The following RIMS2 variants were observed in gnomAD, a reference collection of about 807,000 sequenced individuals.
RIMS2 encodes regulating synaptic membrane exocytosis protein 2.
RIMS2 carries 59 observed loss-of-function variants against 174.4 expected under a neutral mutation model. The ratio of observed to expected loss-of-function variants is 0.34; its 90% CI spans 0.27 to 0.42. The LOEUF is 0.42. Among genes scored for constraint, RIMS2 ranks in the 10% least tolerant of loss-of-function variants. The pLI is 1.00. For missense variants in RIMS2, 1,620 were observed against 1,666.3 expected, an observed-to-expected ratio of 0.97 and a Z score of 0.48; for synonymous variants, 606 against 572.5, an observed-to-expected ratio of 1.06 and a Z score of -0.84.
intron 1 of RIMS2, among the ~76,000 whole-genome samples, chr8:103,553,289 C>A (rs1284666295): frequency 6.6e-6 from 1 of 152,086 alleles, no homozygotes; most frequent in Non-Finnish European, 1.5e-5. Flanking sequence ...AATTTTTGTC[C>A]TTTGTAGGGA....
At chr8:103,579,681 C>A (rs115654645) in intron 1 of RIMS2, among the ~76,000 whole-genome samples, 141 of 152,132 alleles carry the variant, frequency 9.3e-4, no homozygotes, top group African/African-American at 2.9e-3. Flanking sequence ...TTCATGGTAA[C>A]CACAATGCCA....
intron 14 of RIMS2, among the ~76,000 whole-genome samples, chr8:103,950,192 A>G (rs1188797476): frequency 6.6e-6 from 1 of 152,144 alleles, no homozygotes; most frequent in Non-Finnish European, 1.5e-5. Context: ...TCTGCCTAAC[A>G]TGTAAGGGTG....
At chr8:103,919,328 A>C (rs1033777168) in intron 9 of RIMS2, among the ~76,000 whole-genome samples, 3 of 152,214 alleles carry the variant, frequency 2.0e-5, no homozygotes, top group African/African-American at 4.8e-5. Flanking sequence ...AAATTCAACG[A>C]GGCCAGTGTA....
At chr8:103,928,160 T>G (rs1374232225) in intron 11 of RIMS2, among the ~76,000 whole-genome samples, 1 of 151,608 alleles carries the variant, frequency 6.6e-6, no homozygotes, top group Non-Finnish European at 1.5e-5. Context: ...TAATGTAGAT[T>G]TAATGTAGAT....
At chr8:103,758,508 T>TA (rs1381375372) in intron 2 of RIMS2, among the ~76,000 whole-genome samples, 1 of 152,188 alleles carries the variant, frequency 6.6e-6, no homozygotes, top group African/African-American at 2.4e-5. Flanking sequence ...AGCTTTTTTT[T>TA]ATTAATGAAG....
intron 19 of RIMS2, among the ~76,000 whole-genome samples, chr8:104,019,844 C>G (rs2096039180): frequency 6.6e-6 from 1 of 152,148 alleles, no homozygotes; most frequent in African/African-American, 2.4e-5. Context: ...TCCATACAAA[C>G]ACTGCAGCCT....
At chr8:103,626,603 A>G in intron 1 of RIMS2, among the ~76,000 whole-genome samples, 1 of 152,240 alleles carries the variant, frequency 6.6e-6, no homozygotes, top group East Asian at 1.9e-4. Context: ...ATCTAATACC[A>G]TAAAAAATAT....
At chr8:103,880,598 G>T in intron 3 of RIMS2, 4 of 460,762 alleles carry the variant, frequency 8.7e-6, no homozygotes, top group Non-Finnish European at 1.6e-5. Flanking sequence ...AGGGCTAGAA[G>T]GATTAAATGA....
intron 16 of RIMS2, among the ~76,000 whole-genome samples, chr8:103,986,438 G>A (rs570893861): frequency 6.6e-6 from 1 of 151,996 alleles, no homozygotes; most frequent in Admixed American, 6.5e-5. Context: ...AAAGATTGGT[G>A]ACATCAATAC....
chr8:104,220,684 A>G (rs1026495523), intron 19 of RIMS2, among the ~76,000 whole-genome samples: 25 of 152,204 alleles, frequency 1.6e-4, no homozygotes, highest in African/African-American at 5.8e-4. Flanking sequence ...TACAGCCTCA[A>G]CCTTGCAGGC....
chr8:103,670,453 G>A (rs2096730700), intron 1 of RIMS2, among the ~76,000 whole-genome samples: 2 of 152,186 alleles, frequency 1.3e-5, no homozygotes, highest in South Asian at 4.1e-4. Context: ...TAGAAAATGG[G>A]TTTTTCTTTT....
At chr8:104,194,461 A>G (rs1280374195) in intron 19 of RIMS2, among the ~76,000 whole-genome samples, 1 of 152,226 alleles carries the variant, frequency 6.6e-6, no homozygotes, top group Non-Finnish European at 1.5e-5. Flanking sequence ...TTTTTGAGCT[A>G]TACTACATAT....
At chr8:104,086,669 T>C (rs2097542442) in intron 19 of RIMS2, among the ~76,000 whole-genome samples, 1 of 152,150 alleles carries the variant, frequency 6.6e-6, no homozygotes, top group African/African-American at 2.4e-5. Flanking sequence ...TACATGCTAA[T>C]GGCTACCCTT....
chr8:103,709,228 A>C (rs2097271444), intron 2 of RIMS2, among the ~76,000 whole-genome samples: 1 of 152,128 alleles, frequency 6.6e-6, no homozygotes, highest in African/African-American at 2.4e-5. Context: ...GTGTAACTTT[A>C]AAAACATGTA....
intron 1 of RIMS2, among the ~76,000 whole-genome samples, chr8:103,570,502 T>C (rs28502010): frequency 0.18 from 27,663 of 152,002 alleles, 2,767 homozygotes; most frequent in African/African-American, 0.26. Flanking sequence ...TCTAAACTTT[T>C]CCAGGAAAAA....
chr8:103,905,765 A>G (rs1264914581), intron 4 of RIMS2, among the ~76,000 whole-genome samples: 3 of 92,046 alleles, frequency 3.3e-5, no homozygotes, highest in African/African-American at 1.3e-4. Flanking sequence ...GGCTCCGTTC[A>G]TTTTCTTTTC....
intron 1 of RIMS2, among the ~76,000 whole-genome samples, chr8:103,558,165 A>G (rs2090861567): frequency 6.6e-6 from 1 of 152,212 alleles, no homozygotes; most frequent in African/African-American, 2.4e-5. Flanking sequence ...AAAAAAACCC[A>G]GCAATTCAAA....
intron 1 of RIMS2, among the ~76,000 whole-genome samples, chr8:103,536,574 C>T (rs927185625): frequency 5.9e-5 from 9 of 152,102 alleles, no homozygotes; most frequent in Non-Finnish European, 1.2e-4. Context: ...TCTGGGGAGA[C>T]CTTTCAATCA....
chr8:104,203,892 T>C (rs768430407), intron 19 of RIMS2, among the ~76,000 whole-genome samples: 59 of 152,368 alleles, frequency 3.9e-4, no homozygotes, highest in Admixed American at 7.2e-4. Flanking sequence ...AAACGTTTTT[T>C]GCTTTGGTGA....
Sources: gnomAD v4.1 joint callset for allele counts (sites outside exome capture counted in the v4.1 genomes callset) on GRCh38, gnomAD v4.1.1 for gene constraint, MANE v1.5 for transcripts, NCBI Gene and HGNC (gene_info 2026-07-23, HGNC 2026-07-21) for gene names.